The following NRCAM variants were observed in gnomAD, a reference collection of about 807,000 sequenced individuals.
The protein encoded by NRCAM is NgCAM-related cell adhesion molecule.
A neutral mutation model predicts 156.5 loss-of-function variants in NRCAM; 83 were observed. The ratio of observed to expected loss-of-function variants is 0.53; its 90% confidence interval spans 0.44 to 0.64. The LOEUF is 0.64. NRCAM is among the 30% of genes least tolerant of loss of function. The probability of loss-of-function intolerance (pLI) is 0.00; values close to 1 mark genes in which losing one functional copy is unlikely to be tolerated. For missense variants in NRCAM, 1,417 were observed against 1,597.3 expected (o/e 0.89, Z 1.92); for synonymous variants, 538 against 563.9 (o/e 0.95, Z 0.65).
chr7:108,412,388 C>T (rs1248813949), intron 1 of NRCAM, among the ~76,000 whole-genome samples: 1 of 85,864 alleles, frequency 1.2e-5, no homozygotes, highest in African/African-American at 4.1e-5. Flanking sequence ...TTCCTCTTTT[C>T]CCCCTCATAG....
intron 3 of NRCAM, among the ~76,000 whole-genome samples, chr7:108,261,800 TGGTTAATAGTTCTA>T (rs2096898721): frequency 6.6e-6 from 1 of 152,124 alleles, no homozygotes; most frequent in Admixed American, 6.5e-5. Context: ...TCTCTAATCT[TGGTTAATAGTTCTA>T]GAAATCCACT....
intron 2 of NRCAM, among the ~76,000 whole-genome samples, chr7:108,329,727 C>T (rs1465158406): frequency 1.3e-5 from 2 of 152,106 alleles, no homozygotes; most frequent in African/African-American, 2.4e-5. Context: ...TCCTTCAAAG[C>T]GTATTGTCAG....
At chr7:108,289,057 G>T (rs2098200620) in intron 3 of NRCAM, among the ~76,000 whole-genome samples, 1 of 152,022 alleles carries the variant, frequency 6.6e-6, no homozygotes, top group Non-Finnish European at 1.5e-5. Flanking sequence ...TCTAGGACTT[G>T]GAGCGATCAC....
intron 3 of NRCAM, among the ~76,000 whole-genome samples, chr7:108,298,770 T>C (rs1196010687): frequency 6.6e-6 from 1 of 151,896 alleles, no homozygotes; most frequent in African/African-American, 2.4e-5. Context: ...TTCCTTCCTT[T>C]GTCTCTCTTC....
At chr7:108,161,515 T>A (rs1364756670) in intron 30 of NRCAM, among the ~76,000 whole-genome samples, 1 of 152,220 alleles carries the variant, frequency 6.6e-6, no homozygotes, top group African/African-American at 2.4e-5. Flanking sequence ...TTTTCTCTCT[T>A]TTGACCATAA....
At chr7:108,449,123 A>G (rs1422513809) in intron 1 of NRCAM, among the ~76,000 whole-genome samples, 1 of 152,210 alleles carries the variant, frequency 6.6e-6, no homozygotes, top group Non-Finnish European at 1.5e-5. Context: ...AACTTCCTAC[A>G]GTTTTAAAAC....
chr7:108,302,063 A>T (rs1172170324), intron 3 of NRCAM, among the ~76,000 whole-genome samples: 1 of 151,918 alleles, frequency 6.6e-6, no homozygotes, highest in African/African-American at 2.4e-5. Flanking sequence ...CAAAAAAAAA[A>T]ACCCACAACA....
intron 18 of NRCAM, 81 bp from the exon 19 acceptor site, chr7:108,191,364 G>A: frequency 9.4e-7 from 1 of 1,065,746 alleles, no homozygotes. Context: ...GACAAAGACT[G>A]TACATTATTC....
intron 1 of NRCAM, among the ~76,000 whole-genome samples, chr7:108,436,548 T>G (rs887157144): frequency 2.0e-5 from 3 of 152,250 alleles, no homozygotes; most frequent in Non-Finnish European, 1.5e-5. Flanking sequence ...TTTGCATTTA[T>G]TGAAGCAAGG....
At chr7:108,211,265 C>T (rs976439088) in intron 11 of NRCAM, among the ~76,000 whole-genome samples, 18 of 152,142 alleles carry the variant, frequency 1.2e-4, no homozygotes, top group African/African-American at 4.1e-4. Context: ...CAGGCCATTC[C>T]TGCCTGGCAC....
intron 1 of NRCAM, among the ~76,000 whole-genome samples, chr7:108,417,840 C>T (rs1803631346): frequency 6.6e-6 from 1 of 152,186 alleles, no homozygotes; most frequent in Non-Finnish European, 1.5e-5. Context: ...CACGGACAGT[C>T]ACTCATTGCC....
At chr7:108,227,004 A>T (rs1307605639) in intron 8 of NRCAM, among the ~76,000 whole-genome samples, 1 of 152,194 alleles carries the variant, frequency 6.6e-6, no homozygotes, top group Non-Finnish European at 1.5e-5. Context: ...TCCCAAGCCC[A>T]GTTCCTCCAC....
intron 2 of NRCAM, among the ~76,000 whole-genome samples, chr7:108,388,550 G>A (rs2099749001): frequency 6.6e-6 from 1 of 152,158 alleles, no homozygotes; most frequent in East Asian, 1.9e-4. Flanking sequence ...CTGTGCAGAA[G>A]CTCTTTAGTT....
chr7:108,168,414 A>G lies in NRCAM; in HGVS notation c.3188-12T>C. 1 of 1,585,278 alleles carries G rather than the reference A, an allele frequency of 6.3e-7. No homozygotes were observed. The highest frequency in any genetic ancestry group is 8.5e-7 in the Non-Finnish European group (1 of 1,169,700). On this transcript the variant is annotated splice_polypyrimidine_tract_variant and intron_variant, in intron 28 of 32. Coordinates refer to ENST00000379028, the MANE Select transcript of NRCAM (RefSeq NM_001037132.4). ...ATTTACTGCTTGAACTAAACATACA[A>G]TAGAAAAATAAAACAAACAATCATA...
chr7:108,350,057 G>C (rs1208415067), intron 2 of NRCAM, among the ~76,000 whole-genome samples: 3 of 151,966 alleles, frequency 2.0e-5, no homozygotes, highest in Admixed American at 2.0e-4. Flanking sequence ...CCTGTCTCAG[G>C]GCCTTTACAC....
chr7:108,239,879 A>G, intron 4 of NRCAM, 80 bp downstream of exon 4: 1 of 848,374 alleles, frequency 1.2e-6, no homozygotes, highest in South Asian at 1.5e-5. Context: ...CACCTTCTCC[A>G]TTCACGCAGT....
chr7:108,195,967 T>G (rs182496983), intron 14 of NRCAM, 95 bp from the exon 15 acceptor site: 53 of 813,668 alleles, frequency 6.5e-5, no homozygotes, highest in Non-Finnish European at 1.1e-4. Flanking sequence ...TTAAAGTTTA[T>G]GGTAAAGCAC....
chr7:108,192,537 A>G (rs1453143802), intron 17 of NRCAM, among the ~76,000 whole-genome samples: 1 of 151,890 alleles, frequency 6.6e-6, no homozygotes, highest in Non-Finnish European at 1.5e-5. Flanking sequence ...CTGGTGCCAA[A>G]AAGGTTGGGG....
intron 1 of NRCAM, among the ~76,000 whole-genome samples, chr7:108,450,713 C>A (rs758109169): frequency 5.3e-5 from 8 of 152,116 alleles, no homozygotes; most frequent in Admixed American, 6.5e-5. Context: ...TAGAAAAATA[C>A]CATGAATGTA....
Sources: allele counts gnomAD v4.1 joint callset (sites outside exome capture counted in the v4.1 genomes callset), GRCh38; gene constraint gnomAD v4.1.1; transcripts MANE v1.5; gene names NCBI Gene and HGNC (gene_info 2026-07-23, HGNC 2026-07-21).